Variants in DHDH observed in about 807,000 individuals in gnomAD.
DHDH encodes trans-1,2-dihydrobenzene-1,2-diol dehydrogenase.
In DHDH, 29 loss-of-function variants were observed where a neutral mutation model predicts 33.2. That is an observed-to-expected ratio of 0.87 (90% confidence interval 0.65 to 1.19). The LOEUF (loss-of-function observed/expected upper bound fraction) is 1.19. Among genes scored for constraint, DHDH ranks in the 50% most tolerant of loss-of-function variants. The pLI, the probability that DHDH is intolerant of heterozygous loss-of-function variation, is 0.00. For synonymous variants in DHDH, 201 were observed against 187.9 expected (o/e 1.07, Z -0.57); for missense variants, 431 against 455.0 (o/e 0.95, Z 0.48).
In DHDH at chr19:48,936,233, A is replaced by T. The variant is rs545067298; in HGVS notation, c.366+38A>T. The stretch of plus-strand genomic sequence containing the variant: ...GAGCCCTTCCAATATCCAGCGTAAA[A>T]GTGCTTGCCATTAAATATGGTTGCC... On this transcript the variant is annotated intron_variant, in intron 3 of 6. Coordinates refer to ENST00000221403, the MANE Select transcript of DHDH (RefSeq NM_014475.4). 2.0e-6 allele frequency: 3 copies of T among 1,530,306 alleles called. No individual in the cohort carries two copies. In the African/African-American group the frequency reaches 4.1e-5, roughly 21 times the overall value. 94.8% of individuals were successfully genotyped at this position (1,530,306 alleles called of 1,614,324 possible).
In DHDH at chr19:48,935,081, T is replaced by C. The variant is rs1339231835; in HGVS notation, c.172T>C (p.Tyr58His). 2 of 1,586,416 alleles carry C rather than the reference T, an allele frequency of 1.3e-6. No individual in the cohort carries two copies. Among genetic ancestry groups the C allele is most frequent in the African/African-American group, 1.3e-5 (1 of 74,346 alleles). ...KHDIPKAYGS[Y>H]EELAKDPSVE... is the part of the protein sequence containing the mutation. ...CGACATCCCCAAGGCCTACGGCTCC[T>C]ATGAGGAGCTGGCCAAGGACCCGAG... is the stretch of plus-strand genomic sequence containing the variant. Residue 58 changes from tyrosine (Y) to histidine (H), a missense_variant, in exon 2 of 7, where the codon TAT (tyrosine) becomes CAT (histidine). Physicochemically the swap from Tyr to His is moderately conservative, Grantham distance 83. Coordinates refer to ENST00000221403, the MANE Select transcript of DHDH (RefSeq NM_014475.4).
rs1445590800 is a variant in DHDH, at chr19:48,933,721, C to T, written c.-1C>T. On this transcript the variant is annotated 5_prime_UTR_variant, in exon 1 of 7. Coordinates refer to ENST00000221403, the MANE Select transcript of DHDH (RefSeq NM_014475.4). The stretch of plus-strand genomic sequence containing the variant: ...GGTGCCGAGGGCTCCGCATCGCAAC[C>T]ATGGCGCTGCGCTGGGGCATCGTGT... 1.2e-6 allele frequency: 2 copies of T among 1,613,226 alleles called. No individual in the cohort carries two copies. The highest frequency in any genetic ancestry group is 1.7e-5 in the Admixed American group (1 of 60,002).
Position 48,939,504 on chromosome 19 carries a change from A to C in DHDH, c.422A>C (p.Gln141Pro), listed in dbSNP as rs1225373261. ...ASEALRSVLAQGTLGDLRVAR... is the reference protein window; with the variant it reads ...ASEALRSVLAPGTLGDLRVAR... ...GAGGCTCTGAGGTCTGTTTTGGCCC[A>C]GGGAACTCTAGGAGACCTCCGGGTG... The change falls in exon 4 of 7, where the codon CAG becomes CCG. Residue 141 changes from glutamine (Q) to proline (P), a missense_variant. Transcript: ENST00000221403. 3 of 1,614,022 alleles carry C rather than the reference A, an allele frequency of 1.9e-6. No homozygotes were observed. The highest frequency in any genetic ancestry group is 2.5e-6 in the Non-Finnish European group (3 of 1,179,942).
chr19:48,939,162 G>A (rs1328970733), intron 3 of DHDH, among the ~76,000 whole-genome samples: 3 of 151,952 alleles, frequency 2.0e-5, no homozygotes, highest in African/African-American at 7.2e-5. Flanking sequence ...AAAGTCAATA[G>A]GGCACGGTGG....
At position 48,942,428 on chromosome 19, in the gene DHDH, A is replaced by T; in HGVS notation, c.620-12A>T. ...CTGAGAGACCCTGCCCTGACCCAGGACTTCCCTCCAGGTGTGGATGACACT... is the reference window on the plus strand; with the variant it reads ...CTGAGAGACCCTGCCCTGACCCAGGTCTTCCCTCCAGGTGTGGATGACACT... On this transcript the variant is annotated splice_polypyrimidine_tract_variant and intron_variant, in intron 4 of 6. Transcript: ENST00000221403. 1.9e-6 allele frequency: 3 copies of T among 1,596,432 alleles called. No individual in the cohort carries two copies. Among genetic ancestry groups the T allele is most frequent in the Non-Finnish European group, 2.6e-6 (3 of 1,167,484 alleles).
chr19:48,940,023 T>C (rs535530702), intron 4 of DHDH, among the ~76,000 whole-genome samples: 1 of 152,288 alleles, frequency 6.6e-6, no homozygotes, highest in Admixed American at 6.5e-5. Context: ...AATTATTATT[T>C]TTTGAAGTTG....
At chr19:48,936,366 C>T (rs997799532) in intron 3 of DHDH, among the ~76,000 whole-genome samples, 171 bp downstream of exon 3, 1 of 152,130 alleles carries the variant, frequency 6.6e-6, no homozygotes, top group African/African-American at 2.4e-5. Flanking sequence ...CACGGCAAGG[C>T]TTACTGAAAT....
At chr19:48,943,105 G>A (rs1238599473) in intron 5 of DHDH, among the ~76,000 whole-genome samples, 1 of 151,680 alleles carries the variant, frequency 6.6e-6, no homozygotes, top group African/African-American at 2.4e-5. Flanking sequence ...TGGCCGGCAC[G>A]GTGGTCACAC....
At chr19:48,939,730 T>C (rs754758236) in intron 4 of DHDH, 29 bp downstream of exon 4, 3 of 1,556,908 alleles carry the variant, frequency 1.9e-6, no homozygotes, top group African/African-American at 2.7e-5. Flanking sequence ...TATTTCATGG[T>C]GATGGGAATG....
At chr19:48,937,811 TAAAAAAAAAAAA>T (rs539240060) in intron 3 of DHDH, among the ~76,000 whole-genome samples, 1 of 127,210 alleles carries the variant, frequency 7.9e-6, no homozygotes. Context: ...AGACTGTCTT[TAAAAAAAAAAAA>T]AAAAAAAAAA....
intron 6 of DHDH, 33 bp downstream of exon 6, chr19:48,944,540 C>G (rs2037914070): frequency 6.4e-7 from 1 of 1,559,970 alleles, no homozygotes; most frequent in East Asian, 2.3e-5. Flanking sequence ...GGCGCCAGGC[C>G]TGGTAGGGGG....
intron 3 of DHDH, among the ~76,000 whole-genome samples, chr19:48,938,306 A>C (rs2037808911): frequency 6.6e-6 from 1 of 152,046 alleles, no homozygotes; most frequent in Admixed American, 6.6e-5. Context: ...TATGTTGTCC[A>C]GGCTGGTCTG....
rs539240060 is a variant in DHDH at position 48,937,811 on chromosome 19, T to TAA, written c.367-1617_367-1616dup. ...TGGACGACAAGAGCGAGACTGTCTT[T>TAA]AAAAAAAAAAAAAAAAAAAAAAGAA... On this transcript the variant is annotated intron_variant, in intron 3 of 6. Coordinates refer to ENST00000221403, the MANE Select transcript of DHDH (RefSeq NM_014475.4). Among the ~76,000 whole-genome samples the TAA allele has an allele frequency of 4.5e-3, 578 of 127,192 alleles. 2 individuals are homozygous for TAA. Among genetic ancestry groups the TAA allele is most frequent in the African/African-American group, 0.014 (510 of 36,066 alleles). The allele number at this position is 127,192 out of a possible 152,430, so 83.4% of individuals were successfully genotyped here. A position where few individuals can be genotyped will look rare whatever the true frequency, so the allele number is the denominator to read the frequency against.
chr19:48,936,577 T>C (rs2037778905), intron 3 of DHDH, among the ~76,000 whole-genome samples: 1 of 151,142 alleles, frequency 6.6e-6, no homozygotes, highest in African/African-American at 2.4e-5. Flanking sequence ...GCGCCTGTAG[T>C]CCCAGCTACT....
At chr19:48,934,954 C>A in intron 1 of DHDH, 46 bp from the exon 2 acceptor site, 1 of 1,453,354 alleles carries the variant, frequency 6.9e-7, no homozygotes, top group African/African-American at 1.4e-5. Flanking sequence ...CACCCAGTTT[C>A]CACGCCTGCC....
At position 48,936,306 on chromosome 19, in the gene DHDH, C is replaced by G. The variant is rs962885543; in HGVS notation, c.366+111C>G. ...ATTTGCCAGGATGTATCTGAATCTCCTTGGCAGCATCTATTACCGTGAAAG... is the reference window on the plus strand; with the variant it reads ...ATTTGCCAGGATGTATCTGAATCTCGTTGGCAGCATCTATTACCGTGAAAG... On this transcript the variant is annotated intron_variant, in intron 3 of 6. Coordinates refer to ENST00000221403, the MANE Select transcript of DHDH (RefSeq NM_014475.4). 5.9e-6 allele frequency: 8 copies of G among 1,360,744 alleles called. No homozygotes were observed. In the African/African-American group the frequency reaches 1.2e-4, roughly 20 times the overall value. The allele number at this position is 1,360,744 out of a possible 1,614,324, so 84.3% of individuals were successfully genotyped here.
intron 3 of DHDH, among the ~76,000 whole-genome samples, chr19:48,936,540 C>A (rs1156515951): frequency 5.3e-5 from 8 of 151,280 alleles, no homozygotes; most frequent in Non-Finnish European, 7.4e-5. Context: ...TCTAAAAATA[C>A]AAAAAATTAG....
chr19:48,936,071 C>A lies in DHDH; in HGVS notation c.242C>A (p.Ala81Glu), dbSNP rs781530497. 6 of 1,609,548 alleles carry A rather than the reference C, an allele frequency of 3.7e-6. No individual in the cohort carries two copies. The highest frequency in any genetic ancestry group is 1.7e-5 in the Admixed American group (1 of 59,398). The change falls in exon 3 of 7, where the codon GCG (alanine) becomes GAG (glutamate). Residue 81 changes from alanine (A) to glutamate (E), a missense_variant. Transcript: ENST00000221403. The part of the protein sequence containing the change: ...YIGTQHPQHK[A>E]AVMLCLAAGK... ...GGCACCCAGCACCCCCAGCACAAGG[C>A]GGCGGTGATGCTGTGCTTGGCGGCG...
intron 2 of DHDH, 53 bp downstream of exon 2, chr19:48,935,164 C>A: frequency 7.1e-7 from 1 of 1,409,146 alleles, no homozygotes; most frequent in East Asian, 2.6e-5. Flanking sequence ...AGCGGTGCCC[C>A]CTGGCTGCCC....
Sources: gnomAD v4.1 joint callset for allele counts (sites outside exome capture counted in the v4.1 genomes callset) on GRCh38, gnomAD v4.1.1 for gene constraint, MANE v1.5 for transcripts, NCBI Gene and HGNC (gene_info 2026-07-23, HGNC 2026-07-21) for gene names.